Variants in GHR observed in about 807,000 individuals in gnomAD.
GHR encodes the protein GH receptor.
Under a neutral mutation model 67.1 loss-of-function variants are expected in GHR, and 35 were observed. That is an observed-to-expected ratio of 0.52 (90% CI 0.40 to 0.69). The LOEUF is 0.69. Ranked by LOEUF, GHR falls within the 30% of genes least tolerant of loss-of-function variation. The probability of loss-of-function intolerance (pLI) is 0.00; values close to 1 mark genes in which losing one functional copy is unlikely to be tolerated. For missense variants in GHR, 792 were observed against 764.6 expected (o/e 1.04, Z -0.42); for synonymous variants, 272 against 269.1 (o/e 1.01, Z -0.10).
At chr5:42,636,611 A>G (rs1754207233) in intron 3 of GHR, among the ~76,000 whole-genome samples, 2 of 152,354 alleles carry the variant, frequency 1.3e-5, no homozygotes. Context: ...CCTGAAGTCC[A>G]GAAAAGCCCT....
chr5:42,473,153 C>A (rs901425398), intron 1 of GHR, among the ~76,000 whole-genome samples: 1 of 152,174 alleles, frequency 6.6e-6, no homozygotes, highest in African/African-American at 2.4e-5. Flanking sequence ...TTCACCCTAA[C>A]TGGGTGAATT....
chr5:42,710,355 A>G (rs983223889), intron 6 of GHR, among the ~76,000 whole-genome samples: 3 of 141,954 alleles, frequency 2.1e-5, no homozygotes, highest in Non-Finnish European at 3.0e-5. Flanking sequence ...TTCTATAAAC[A>G]GGAACAAGGT....
rs1421362639 is a variant in GHR at position 42,591,090 on chromosome 5, G to T, written c.70+25146G>T. ...AAATGAAAAACACTTGAGCTGAATCGTTTTTCGTTAGCTTTAGTTTCCAGC... is the reference window on the plus strand; with the variant it reads ...AAATGAAAAACACTTGAGCTGAATCTTTTTTCGTTAGCTTTAGTTTCCAGC... On this transcript the variant is annotated intron_variant, in intron 2 of 9. Transcript: ENST00000230882. Among the ~76,000 whole-genome samples, 4 of 152,196 alleles carry T rather than the reference G, an allele frequency of 2.6e-5. 1 individual carries two copies. The highest frequency in any genetic ancestry group is 6.5e-5 in the Admixed American group (1 of 15,276).
intron 1 of GHR, among the ~76,000 whole-genome samples, chr5:42,466,200 C>T (rs1220985678): frequency 6.6e-6 from 1 of 152,054 alleles, no homozygotes; most frequent in African/African-American, 2.4e-5. Flanking sequence ...TCCTTGAGGG[C>T]TTGGCCATGC....
intron 3 of GHR, among the ~76,000 whole-genome samples, chr5:42,650,434 A>G (rs1754958745): frequency 6.6e-6 from 1 of 152,072 alleles, no homozygotes; most frequent in African/African-American, 2.4e-5. Context: ...TTAAAAGGTA[A>G]TAAGGCCCAT....
chr5:42,566,748 C>T (rs1201233444), intron 2 of GHR, among the ~76,000 whole-genome samples: 6 of 151,850 alleles, frequency 4.0e-5, no homozygotes, highest in Non-Finnish European at 2.9e-5. Context: ...ATATTTCTCC[C>T]ATGCTATGAC....
chr5:42,619,386 A>G (rs1561172785), intron 2 of GHR, among the ~76,000 whole-genome samples: 3 of 152,032 alleles, frequency 2.0e-5, no homozygotes, highest in Admixed American at 2.0e-4. Flanking sequence ...ATTGCCTGGA[A>G]TGTTCTTCCA....
chr5:42,658,873 C>A (rs1755405823), intron 3 of GHR, among the ~76,000 whole-genome samples: 1 of 152,004 alleles, frequency 6.6e-6, no homozygotes, highest in African/African-American at 2.4e-5. Context: ...TACTTCTGAC[C>A]TAAATTTGTT....
intron 3 of GHR, among the ~76,000 whole-genome samples, chr5:42,660,493 G>A (rs1317015021): frequency 6.6e-6 from 1 of 152,240 alleles, no homozygotes; most frequent in Admixed American, 6.5e-5. Context: ...TGGTACCCAG[G>A]AAAACAGGGT....
intron 1 of GHR, chr5:42,514,163 T>C (rs565444447): frequency 1.0e-6 from 1 of 984,940 alleles, no homozygotes; most frequent in South Asian, 4.7e-5. Flanking sequence ...ACTGGGCGCA[T>C]CTTACAAGTA....
At chr5:42,564,657 C>T (rs1364342116) in intron 1 of GHR, among the ~76,000 whole-genome samples, 1 of 152,164 alleles carries the variant, frequency 6.6e-6, no homozygotes, top group Non-Finnish European at 1.5e-5. Flanking sequence ...AATTTTATCC[C>T]TATGTAGAAT....
At chr5:42,651,292 A>G (rs546808412) in intron 3 of GHR, among the ~76,000 whole-genome samples, 1 of 152,196 alleles carries the variant, frequency 6.6e-6, no homozygotes, top group South Asian at 2.1e-4. Context: ...AATCCTGTGT[A>G]TAGCCTTTCC....
intron 3 of GHR, among the ~76,000 whole-genome samples, chr5:42,657,278 C>A (rs955722909): frequency 3.9e-5 from 6 of 152,126 alleles, no homozygotes; most frequent in African/African-American, 1.4e-4. Context: ...TTCTTCATAT[C>A]TAAAATGAAA....
intron 3 of GHR, among the ~76,000 whole-genome samples, chr5:42,660,258 G>A (rs1273988942): frequency 1.3e-5 from 2 of 152,158 alleles, no homozygotes; most frequent in African/African-American, 2.4e-5. Context: ...AGAGAGCAGT[G>A]GTTCTCCCAG....
chr5:42,522,035 A>G (rs1466335342), intron 1 of GHR, among the ~76,000 whole-genome samples: 3 of 152,180 alleles, frequency 2.0e-5, no homozygotes, highest in Non-Finnish European at 4.4e-5. Flanking sequence ...TGAAGGGAGA[A>G]CAGATAGGAC....
rs145497976 is a variant in GHR, at chr5:42,445,938, A to C, written c.-12+21983A>C. Among the ~76,000 whole-genome samples the C allele has an allele frequency of 3.8e-3, 574 of 152,340 alleles. 10 individuals carry two copies. The highest frequency in any genetic ancestry group is 0.013 in the African/African-American group (544 of 41,564). ...ATATGGCAGTTGAAGCCAAAGCATTAAGCAAAAACAGTTATTAATATTAAC... is the reference window on the plus strand; with the variant it reads ...ATATGGCAGTTGAAGCCAAAGCATTCAGCAAAAACAGTTATTAATATTAAC... On this transcript the variant is annotated intron_variant, in intron 1 of 9. Transcript: ENST00000230882.
At chr5:42,508,730 C>T (rs1201939099) in intron 1 of GHR, among the ~76,000 whole-genome samples, 2 of 152,136 alleles carry the variant, frequency 1.3e-5, no homozygotes, top group South Asian at 2.1e-4. Context: ...CCCGCCACCA[C>T]GCCCGGCTAA....
chr5:42,514,393 G>A (rs1434288517), intron 1 of GHR: 1 of 932,720 alleles, frequency 1.1e-6, no homozygotes, highest in Non-Finnish European at 1.3e-6. Flanking sequence ...TATAATTTAT[G>A]ACCTTTGAAA....
intron 1 of GHR, among the ~76,000 whole-genome samples, chr5:42,480,318 A>G (rs569453537): frequency 8.5e-5 from 13 of 152,322 alleles, no homozygotes; most frequent in African/African-American, 2.6e-4. Context: ...TATGTGGTCA[A>G]TTTTGGAATA....
Sources: allele counts gnomAD v4.1 joint callset (sites outside exome capture counted in the v4.1 genomes callset), GRCh38; gene constraint gnomAD v4.1.1; transcripts MANE v1.5; gene names NCBI Gene and HGNC (gene_info 2026-07-23, HGNC 2026-07-21).